The following STRADB variants were observed in gnomAD, a reference collection of about 807,000 sequenced individuals.
STRADB encodes STE20-related kinase adapter protein beta.
Under a neutral mutation model 52.1 loss-of-function variants are expected in STRADB, and 34 were observed. The ratio of observed to expected loss-of-function variants is 0.65; its 90% CI spans 0.50 to 0.87. STRADB has a LOEUF of 0.87. STRADB is among the 40% of genes least tolerant of loss of function. STRADB has a pLI of 0.00. For synonymous variants in STRADB, 133 were observed against 174.5 expected (o/e 0.76, Z 1.87); for missense variants, 340 against 483.9 (o/e 0.70, Z 2.79).
At chr2:201,463,209 C>T (rs543054664) in intron 3 of STRADB, among the ~76,000 whole-genome samples, 48 of 152,102 alleles carry the variant, frequency 3.2e-4, no homozygotes, top group Non-Finnish European at 5.9e-4. Context: ...TGGTGGCACA[C>T]GCCTGTAATC....
intron 2 of STRADB, among the ~76,000 whole-genome samples, chr2:201,458,271 CTT>C (rs1191468876): frequency 6.6e-6 from 1 of 152,094 alleles, no homozygotes; most frequent in Non-Finnish European, 1.5e-5. Context: ...AAGTAAGTCT[CTT>C]TTAATTTGCT....
chr2:201,452,046 G>C lies in STRADB; in HGVS notation c.-96+108G>C, dbSNP rs1288694810. The C allele has an allele frequency of 2.0e-5, 3 of 152,468 alleles. No individual in the cohort carries two copies. In the East Asian group the frequency reaches 5.8e-4, roughly 29 times the overall value. 9.4% of individuals were successfully genotyped at this position (152,468 alleles called of 1,614,324 possible). A position where few individuals can be genotyped will look rare whatever the true frequency, so the allele number is the denominator to read the frequency against. On this transcript the variant is annotated intron_variant, in intron 1 of 11. Coordinates refer to ENST00000194530, the MANE Select transcript of STRADB (RefSeq NM_018571.6). ...CGCCCGGGAAGCCAGAGGCCAGAAC[G>C]CGCTAGCCCACCTCCAGCCCGAGCA...
chr2:201,465,828 G>C (rs1329334734), intron 3 of STRADB, among the ~76,000 whole-genome samples: 3 of 152,200 alleles, frequency 2.0e-5, no homozygotes, highest in Non-Finnish European at 4.4e-5. Context: ...TGATCTAAAT[G>C]CTCCCTCCTT....
At position 201,480,416 on chromosome 2, in the gene STRADB, A is replaced by C; in HGVS notation, c.*241A>C. 1 of 1,236,494 alleles carries C rather than the reference A, an allele frequency of 8.1e-7. No individual in the cohort carries two copies. The highest frequency in any genetic ancestry group is 1.0e-6 in the Non-Finnish European group (1 of 987,984). The allele number at this position is 1,236,494 out of a possible 1,614,324, so 76.6% of individuals were successfully genotyped here. On this transcript the variant is annotated 3_prime_UTR_variant, in exon 12 of 12. Coordinates refer to ENST00000194530, the MANE Select transcript of STRADB (RefSeq NM_018571.6). Reference sequence around the variant, plus strand: ...ATCTAGCTAGTGTCATTTATTCTGGAATTTTTTTCTAAGCTGTGACTAACT... The same window carrying C: ...ATCTAGCTAGTGTCATTTATTCTGGCATTTTTTTCTAAGCTGTGACTAACT...
At chr2:201,454,672 G>T in intron 1 of STRADB, 74 bp from the exon 2 acceptor site, 1 of 488,150 alleles carries the variant, frequency 2.0e-6, no homozygotes, top group South Asian at 4.9e-5. Flanking sequence ...CTAAATATTG[G>T]ATGGGTTTAA....
At chr2:201,460,913 T>G in intron 3 of STRADB, 1 of 155,764 alleles carries the variant, frequency 6.4e-6, no homozygotes, top group East Asian at 1.8e-4. Flanking sequence ...ATGGTAGTTT[T>G]TTTTTTTTTT....
rs180944697 is a variant in STRADB at position 201,480,646 on chromosome 2, T to G, written c.*471T>G. 3.8e-5 allele frequency: 38 copies of G among 988,362 alleles called. No homozygotes were observed. Among genetic ancestry groups the G allele is most frequent in the Non-Finnish European group, 4.3e-5 (36 of 831,474 alleles). The allele number at this position is 988,362 out of a possible 1,614,324, so 61.2% of individuals were successfully genotyped here. A position where few individuals can be genotyped will look rare whatever the true frequency, so the allele number is the denominator to read the frequency against. On this transcript the variant is annotated 3_prime_UTR_variant, in exon 12 of 12. Transcript: ENST00000194530. ...TGGTAGAGGGAAAATGTTTGTGCTT[T>G]CCCTTTTTCTTCTGTTAATACTTAT...
At chr2:201,472,271 A>G (rs116070897) in intron 4 of STRADB, among the ~76,000 whole-genome samples, 341 of 152,362 alleles carry the variant, frequency 2.2e-3, no homozygotes, top group African/African-American at 7.7e-3. Flanking sequence ...CCAAAGATAA[A>G]TGAAAACACA....
chr2:201,456,586 T>C (rs111801966), intron 2 of STRADB, among the ~76,000 whole-genome samples: 1 of 726 alleles, frequency 1.4e-3, no homozygotes, highest in Non-Finnish European at 7.0e-3. Context: ...CTTTTTTTCC[T>C]TAAACGAGAA....
At position 201,451,785 on chromosome 2, in the gene STRADB, G is replaced by A. The variant is rs1377910412; in HGVS notation, c.-249G>A. The A allele has an allele frequency of 6.6e-6, 1 of 152,024 alleles. No individual in the cohort carries two copies. The highest frequency in any genetic ancestry group is 1.5e-5 in the Non-Finnish European group (1 of 68,006). The allele number at this position is 152,024 out of a possible 1,614,324, so 9.4% of individuals were successfully genotyped here. On this transcript the variant is annotated 5_prime_UTR_variant, in exon 1 of 12. Coordinates refer to ENST00000194530, the MANE Select transcript of STRADB (RefSeq NM_018571.6). The stretch of plus-strand genomic sequence containing the variant: ...GACTGGTGCAGAGTTCCAAGCCCAC[G>A]GCCCCGGTCGCGGCCTCGCCGCCCT...
At chr2:201,473,298 A>G (rs1191482369) in intron 5 of STRADB, among the ~76,000 whole-genome samples, 1 of 152,256 alleles carries the variant, frequency 6.6e-6, no homozygotes, top group Non-Finnish European at 1.5e-5. Context: ...GAGGATGTGC[A>G]TAGCTTATAT....
intron 3 of STRADB, among the ~76,000 whole-genome samples, chr2:201,465,465 C>T (rs911473700): frequency 2.6e-5 from 4 of 152,200 alleles, no homozygotes; most frequent in Non-Finnish European, 5.9e-5. Context: ...GAGCTGGTAT[C>T]CAAGTTGCAA....
intron 8 of STRADB, 58 bp from the exon 9 acceptor site, chr2:201,478,029 T>C: frequency 6.9e-7 from 1 of 1,446,960 alleles, no homozygotes; most frequent in African/African-American, 1.4e-5. Flanking sequence ...AGCACATGTG[T>C]ATAACTTTTG....
chr2:201,470,083 C>A, intron 4 of STRADB, 31 bp downstream of exon 4: 2 of 1,492,666 alleles, frequency 1.3e-6, no homozygotes, highest in Non-Finnish European at 9.3e-7. Context: ...ATTGACCCTT[C>A]AGTGCTAGAA....
intron 7 of STRADB, among the ~76,000 whole-genome samples, chr2:201,476,290 T>A (rs1352545833): frequency 6.6e-6 from 1 of 152,144 alleles, no homozygotes; most frequent in African/African-American, 2.4e-5. Flanking sequence ...TACTTTTTAA[T>A]TAAGTTACTT....
At chr2:201,477,839 G>C in intron 8 of STRADB, 49 bp downstream of exon 8, 1 of 1,595,086 alleles carries the variant, frequency 6.3e-7, no homozygotes, top group African/African-American at 1.3e-5. Flanking sequence ...AGTGTCTTCT[G>C]AGTTTGGCTA....
intron 1 of STRADB, among the ~76,000 whole-genome samples, chr2:201,454,504 T>G (rs75850762): frequency 0.045 from 6,852 of 152,324 alleles, 206 homozygotes; most frequent in Middle Eastern, 0.068. Context: ...TTGGAAATAT[T>G]CAGGACTTCT....
At chr2:201,462,544 T>G (rs1952232268) in intron 3 of STRADB, among the ~76,000 whole-genome samples, 1 of 152,196 alleles carries the variant, frequency 6.6e-6, no homozygotes, top group Non-Finnish European at 1.5e-5. Context: ...TTTTGTTGTG[T>G]GTGTATGTGT....
At position 201,477,653 on chromosome 2, in the gene STRADB, G is replaced by C. The variant is rs1409247537; in HGVS notation, c.583G>C (p.Asp195His). Residue 195 changes from aspartate to histidine, a missense_variant, in exon 8 of 12, where the codon GAT (aspartate) becomes CAT (histidine). Coordinates refer to ENST00000194530, the MANE Select transcript of STRADB (RefSeq NM_018571.6). ...IKASHILISG[D>H]GLVTLSGLSH... ...AGCCAGCCATATCCTCATTTCTGGT[G>C]ATGGCCTAGTGACCCTCTCTGGCCT... is the stretch of plus-strand genomic sequence containing the variant. 1 of 1,610,008 alleles carries C rather than the reference G, an allele frequency of 6.2e-7. No homozygotes were observed. Among genetic ancestry groups the C allele is most frequent in the East Asian group, 2.2e-5 (1 of 44,710 alleles).
Sources: gnomAD v4.1 joint callset for allele counts (sites outside exome capture counted in the v4.1 genomes callset) on GRCh38, gnomAD v4.1.1 for gene constraint, MANE v1.5 for transcripts, NCBI Gene and HGNC (gene_info 2026-07-23, HGNC 2026-07-21) for gene names.